Variants in CRB1 observed in about 807,000 individuals in gnomAD.
CRB1 encodes protein crumbs homolog 1.
In CRB1, 83 loss-of-function variants were observed where a neutral mutation model predicts 120.0. That is an observed-to-expected ratio of 0.69 (90% confidence interval 0.58 to 0.83). The LOEUF (loss-of-function observed/expected upper bound fraction) is 0.83, where lower values mean the gene tolerates loss of function less well. Ranked by LOEUF, CRB1 falls within the 40% of genes least tolerant of loss-of-function variation. CRB1 has a pLI of 0.00. For missense variants in CRB1, 1,699 were observed against 1,687.6 expected, an observed-to-expected ratio of 1.01 and a Z score of -0.12; for synonymous variants, 625 against 612.5, an observed-to-expected ratio of 1.02 and a Z score of -0.30.
At chr1:197,365,208 G>T (rs1003031959) in intron 5 of CRB1, among the ~76,000 whole-genome samples, 1 of 152,160 alleles carries the variant, frequency 6.6e-6, no homozygotes, top group African/African-American at 2.4e-5. Context: ...CCTTAGGTGA[G>T]AATGTTCCAT....
At chr1:197,266,780 A>C (rs1207128916), upstream of CRB1, among the ~76,000 whole-genome samples, 2 of 152,148 alleles carry the variant, frequency 1.3e-5, no homozygotes, top group Non-Finnish European at 2.9e-5. Flanking sequence ...GACACTCATA[A>C]TTAAAGACAC....
chr1:197,260,282 C>T, the CRB1 span, among the ~76,000 whole-genome samples: 3,344 of 151,912 alleles, frequency 0.022, 120 homozygotes, highest in African/African-American at 0.076. Flanking sequence ...TTTTTATATA[C>T]GGGTTTCATA....
At chr1:197,224,532 T>G in the CRB1 span, among the ~76,000 whole-genome samples, 1 of 152,138 alleles carries the variant, frequency 6.6e-6, no homozygotes, top group Non-Finnish European at 1.5e-5. Context: ...AAACTTTAAA[T>G]AAATGAAATT....
At chr1:197,312,696 C>A (rs1316640468) in intron 1 of CRB1, among the ~76,000 whole-genome samples, 1 of 152,068 alleles carries the variant, frequency 6.6e-6, no homozygotes, top group Non-Finnish European at 1.5e-5. Context: ...TAAAAGAGAG[C>A]ACTTTTATAT....
chr1:197,257,505 C>T, the CRB1 span, among the ~76,000 whole-genome samples: 5 of 152,116 alleles, frequency 3.3e-5, no homozygotes, highest in Admixed American at 6.6e-5. Context: ...TGGAGGTGAA[C>T]TTTATTAAAT....
chr1:197,243,138 A>G, the CRB1 span, among the ~76,000 whole-genome samples: 3 of 151,616 alleles, frequency 2.0e-5, no homozygotes, highest in Non-Finnish European at 2.9e-5. Flanking sequence ...TCCTGGATTC[A>G]TTGATTTTTT....
chr1:197,427,307 C>A lies in CRB1; in HGVS notation c.2129-147C>A, dbSNP rs1028673650. On this transcript the variant is annotated intron_variant, in intron 6 of 11. Coordinates refer to ENST00000367400, the MANE Select transcript of CRB1 (RefSeq NM_201253.3). ...CATTATTCTATTTAATAAACCTGTC[C>A]TGAACTTTAAAAGCTATGTATGAGT... 1.2e-5 allele frequency: 8 copies of A among 667,668 alleles called. No individual in the cohort carries two copies. The African/African-American group carries it at 1.4e-4, about 12-fold the overall frequency. 41.4% of individuals were successfully genotyped at this position (667,668 alleles called of 1,614,324 possible). A position where few individuals can be genotyped will look rare whatever the true frequency, so the allele number is the denominator to read the frequency against.
At chr1:197,267,221 A>G (rs946783975), upstream of CRB1, among the ~76,000 whole-genome samples, 1 of 152,190 alleles carries the variant, frequency 6.6e-6, no homozygotes, top group Non-Finnish European at 1.5e-5. Context: ...CTAATTGTTA[A>G]ATTGCCCAAG....
At chr1:197,460,001 C>CTTTTT (rs10679172) in intron 11 of CRB1, among the ~76,000 whole-genome samples, 21,911 of 75,428 alleles carry the variant, frequency 0.29, 4,102 homozygotes, top group Non-Finnish European at 0.39. Context: ...AAGCCCCCCT[C>CTTTTT]TTTTTTTTTT....
At chr1:197,244,303 T>C in the CRB1 span, among the ~76,000 whole-genome samples, 1 of 152,188 alleles carries the variant, frequency 6.6e-6, no homozygotes, top group Non-Finnish European at 1.5e-5. Flanking sequence ...GTTTTTGCAG[T>C]GGCTGGTATG....
At chr1:197,256,140 A>G in the CRB1 span, among the ~76,000 whole-genome samples, 7 of 151,164 alleles carry the variant, frequency 4.6e-5, no homozygotes, top group Non-Finnish European at 1.5e-5. Context: ...TCACCAAACT[A>G]ACAACCAGCC....
At chr1:197,329,206 G>A (rs935193645) in intron 2 of CRB1, among the ~76,000 whole-genome samples, 1 of 152,226 alleles carries the variant, frequency 6.6e-6, no homozygotes, top group Non-Finnish European at 1.5e-5. Flanking sequence ...TGCTGTCACT[G>A]TTGCTGTTTT....
intron 5 of CRB1, among the ~76,000 whole-genome samples, chr1:197,362,708 T>C (rs1275733710): frequency 6.6e-6 from 1 of 152,162 alleles, no homozygotes; most frequent in Admixed American, 6.5e-5. Flanking sequence ...AAAAATTATA[T>C]TTACACAGCA....
At chr1:197,260,275 T>C in the CRB1 span, among the ~76,000 whole-genome samples, 1 of 152,106 alleles carries the variant, frequency 6.6e-6, no homozygotes, top group Non-Finnish European at 1.5e-5. Flanking sequence ...AAATTTTTTT[T>C]TATATACGGG....
At chr1:197,369,465 C>G (rs950382461) in intron 5 of CRB1, among the ~76,000 whole-genome samples, 4 of 152,130 alleles carry the variant, frequency 2.6e-5, no homozygotes, top group African/African-American at 9.7e-5. Context: ...CTGAGACCAA[C>G]CAATCCTCTT....
intron 5 of CRB1, among the ~76,000 whole-genome samples, chr1:197,399,560 C>G (rs1662957857): frequency 6.6e-6 from 1 of 152,126 alleles, no homozygotes. Flanking sequence ...AAGTTTTTGT[C>G]ATGTATTAGT....
chr1:197,373,447 T>C (rs916641809), intron 5 of CRB1, among the ~76,000 whole-genome samples: 2 of 152,144 alleles, frequency 1.3e-5, no homozygotes, highest in Non-Finnish European at 2.9e-5. Flanking sequence ...CATGAGGTTG[T>C]CACTAGGGGA....
chr1:197,202,043 A>G, the CRB1 span, among the ~76,000 whole-genome samples: 1 of 152,156 alleles, frequency 6.6e-6, no homozygotes, highest in Non-Finnish European at 1.5e-5. Flanking sequence ...GCGGACTCGT[A>G]TTATGAAGCG....
the CRB1 span, among the ~76,000 whole-genome samples, chr1:197,209,611 G>A: frequency 6.6e-6 from 1 of 152,222 alleles, no homozygotes; most frequent in South Asian, 2.1e-4. Flanking sequence ...GCCTCCCAAA[G>A]TGCTGGGATT....
Sources: gnomAD v4.1 joint callset for allele counts (sites outside exome capture counted in the v4.1 genomes callset) on GRCh38, gnomAD v4.1.1 for gene constraint, MANE v1.5 for transcripts, NCBI Gene and HGNC (gene_info 2026-07-23, HGNC 2026-07-21) for gene names.